ATXN1: variants seen among roughly 807,000 people sequenced by gnomAD.
ATXN1 encodes ataxin-1.
In ATXN1, 8 loss-of-function variants were observed where a neutral mutation model predicts 56.4. That is an observed-to-expected ratio of 0.14 (90% CI 0.08 to 0.26). The LOEUF (loss-of-function observed/expected upper bound fraction) is 0.26, where lower values mean the gene tolerates loss of function less well. Among genes scored for constraint, ATXN1 ranks in the 10% least tolerant of loss-of-function variants. ATXN1 has a pLI of 1.00. For synonymous variants in ATXN1, 514 were observed against 494.6 expected, an observed-to-expected ratio of 1.04 and a Z score of -0.52; for missense variants, 987 against 1,106.5, an observed-to-expected ratio of 0.89 and a Z score of 1.53.
At chr6:16,674,706 TA>T (rs1758623666) in intron 2 of ATXN1, among the ~76,000 whole-genome samples, 3 of 152,048 alleles carry the variant, frequency 2.0e-5, no homozygotes, top group Admixed American at 2.0e-4. Flanking sequence ...TAGATTTCAT[TA>T]ATAAAAATCC....
chr6:16,475,573 G>A (rs538629365), intron 6 of ATXN1, among the ~76,000 whole-genome samples: 2 of 152,344 alleles, frequency 1.3e-5, no homozygotes, highest in Admixed American at 1.3e-4. Flanking sequence ...AAGGCTCAGA[G>A]AAGTTGGGCA....
chr6:16,688,271 C>T (rs1581366072), intron 2 of ATXN1, among the ~76,000 whole-genome samples: 3 of 152,108 alleles, frequency 2.0e-5, no homozygotes, highest in African/African-American at 4.8e-5. Flanking sequence ...AGGACTAATG[C>T]GATATCTGTC....
At chr6:16,581,214 T>C (rs1280610764) in intron 4 of ATXN1, among the ~76,000 whole-genome samples, 9 of 138,378 alleles carry the variant, frequency 6.5e-5, no homozygotes, top group African/African-American at 2.6e-4. Flanking sequence ...TGTGTGTGTG[T>C]GTGTGTGTGT....
Position 16,496,292 on chromosome 6 carries a change from G to A in ATXN1, c.-298-10183C>T, listed in dbSNP as rs925288628. On this transcript the variant is annotated intron_variant, in intron 5 of 7. Transcript: ENST00000436367. ...TGGTCTTAACTGTGAATACCATGTA[G>A]CAGAAATGCCACTTGGCATTATATC... Among the ~76,000 whole-genome samples, 3 of 152,216 alleles carry A rather than the reference G, an allele frequency of 2.0e-5. No individual in the cohort carries two copies. In the South Asian group the frequency reaches 6.2e-4, roughly 32 times the overall value.
At chr6:16,754,721 T>C (rs1256719605) in intron 1 of ATXN1, 1 of 152,218 alleles carries the variant, frequency 6.6e-6, no homozygotes, top group African/African-American at 2.4e-5. Context: ...GGAATTCTTG[T>C]AGTCCTTGGT....
chr6:16,714,523 G>A (rs1759599091), intron 2 of ATXN1, among the ~76,000 whole-genome samples: 1 of 151,958 alleles, frequency 6.6e-6, no homozygotes, highest in Non-Finnish European at 1.5e-5. Context: ...TACAGAAATG[G>A]CAAAGAAGAA....
chr6:16,739,580 C>T (rs1760259479), intron 2 of ATXN1: 2 of 294,876 alleles, frequency 6.8e-6, no homozygotes, highest in South Asian at 2.9e-5. Flanking sequence ...AGTTGCTGCT[C>T]TGCAAATGAC....
chr6:16,456,993 G>A (rs1186802002), intron 6 of ATXN1, among the ~76,000 whole-genome samples: 1 of 152,158 alleles, frequency 6.6e-6, no homozygotes, highest in African/African-American at 2.4e-5. Context: ...TGATAAGTGA[G>A]GACAAAACGC....
intron 4 of ATXN1, among the ~76,000 whole-genome samples, chr6:16,574,259 G>A (rs373886318): frequency 3.9e-5 from 6 of 152,226 alleles, no homozygotes; most frequent in African/African-American, 1.4e-4. Flanking sequence ...AGGCTGGCAT[G>A]CAGTGGCGCG....
chr6:16,381,960 TG>T (rs1198277950), intron 6 of ATXN1, among the ~76,000 whole-genome samples: 1 of 152,238 alleles, frequency 6.6e-6, no homozygotes, highest in Non-Finnish European at 1.5e-5. Flanking sequence ...TTATACAGAA[TG>T]AAAGTTTATT....
At chr6:16,722,041 T>C (rs1759755859) in intron 2 of ATXN1, among the ~76,000 whole-genome samples, 1 of 152,216 alleles carries the variant, frequency 6.6e-6, no homozygotes, top group Non-Finnish European at 1.5e-5. Flanking sequence ...GCACACTCAG[T>C]GGCCTCACCT....
rs907103110 is a variant in ATXN1, at chr6:16,300,591, A to G, written c.*5738T>C. On this transcript the variant is annotated 3_prime_UTR_variant, in exon 8 of 8. Coordinates refer to ENST00000436367, the MANE Select transcript of ATXN1 (RefSeq NM_001128164.2). ...AAATAAAAATCAAAATAAAACTAAA[A>G]TAAAATGAGGCATTTACATTGAAAT... 2.6e-5 allele frequency: 4 copies of G among 152,462 alleles called. No individual in the cohort carries two copies. The highest frequency in any genetic ancestry group is 5.9e-5 in the Non-Finnish European group (4 of 68,034). The allele number at this position is 152,462 out of a possible 1,614,324, so 9.4% of individuals were successfully genotyped here.
At chr6:16,504,138 T>C (rs940434377) in intron 5 of ATXN1, among the ~76,000 whole-genome samples, 1 of 152,176 alleles carries the variant, frequency 6.6e-6, no homozygotes, top group Non-Finnish European at 1.5e-5. Context: ...TTGAGACATG[T>C]GGTCAATGAA....
At chr6:16,417,448 T>TTTTTTTTTTTTTTTTTTTTTTTTTTTAA (rs1758934508) in intron 6 of ATXN1, among the ~76,000 whole-genome samples, 1 of 138,490 alleles carries the variant, frequency 7.2e-6, no homozygotes, top group Non-Finnish European at 1.6e-5. Context: ...CTTATTTTTT[T>TTTTTTTTTTTTTTTTTTTTTTTTTTTAA]TTTTTCTTGA....
At chr6:16,689,367 G>A (rs988283848) in intron 2 of ATXN1, among the ~76,000 whole-genome samples, 27 of 151,954 alleles carry the variant, frequency 1.8e-4, no homozygotes, top group African/African-American at 4.8e-4. Context: ...AGGCTAGAGC[G>A]CAGTGGCATG....
intron 4 of ATXN1, among the ~76,000 whole-genome samples, chr6:16,540,571 G>C (rs1299293866): frequency 6.6e-6 from 1 of 152,132 alleles, no homozygotes. Context: ...CCATTGTACA[G>C]ATTGGAGTAC....
intron 4 of ATXN1, among the ~76,000 whole-genome samples, chr6:16,548,790 G>T (rs1369271273): frequency 6.6e-6 from 1 of 152,020 alleles, no homozygotes; most frequent in East Asian, 1.9e-4. Context: ...CGGCGTGGTG[G>T]TGCATGCCTG....
chr6:16,498,310 T>C (rs1297887028), intron 5 of ATXN1, among the ~76,000 whole-genome samples: 5 of 152,272 alleles, frequency 3.3e-5, no homozygotes, highest in Non-Finnish European at 7.3e-5. Flanking sequence ...TATTGTAACA[T>C]GTACCAGTAC....
At chr6:16,459,630 G>A (rs553119101) in intron 6 of ATXN1, among the ~76,000 whole-genome samples, 10 of 152,128 alleles carry the variant, frequency 6.6e-5, no homozygotes, top group South Asian at 2.1e-4. Flanking sequence ...TGCCTTCTGC[G>A]TTCCTCTGCA....
Sources: gnomAD v4.1 joint callset for allele counts (sites outside exome capture counted in the v4.1 genomes callset) on GRCh38, gnomAD v4.1.1 for gene constraint, MANE v1.5 for transcripts, NCBI Gene and HGNC (gene_info 2026-07-23, HGNC 2026-07-21) for gene names.